SLC35F3: variants seen among roughly 807,000 people sequenced by gnomAD.
SLC35F3 encodes solute carrier family 35 member F3.
In SLC35F3, 25 loss-of-function variants were observed where a neutral mutation model predicts 49.9. That is an observed-to-expected ratio of 0.50 (90% CI 0.37 to 0.70). The LOEUF is 0.70. Ranked by LOEUF, SLC35F3 falls within the 30% of genes least tolerant of loss-of-function variation. The pLI is 0.00. For missense variants in SLC35F3, 525 were observed against 639.8 expected, an observed-to-expected ratio of 0.82 and a Z score of 1.94; for synonymous variants, 275 against 265.4, an observed-to-expected ratio of 1.04 and a Z score of -0.35.
chr1:234,010,115 T>C (rs1663692580), intron 2 of SLC35F3, among the ~76,000 whole-genome samples: 1 of 152,186 alleles, frequency 6.6e-6, no homozygotes. Flanking sequence ...AGCAATTTTA[T>C]CTCTAGTACG....
At chr1:234,159,975 G>T (rs1241065310) in intron 2 of SLC35F3, among the ~76,000 whole-genome samples, 1 of 152,118 alleles carries the variant, frequency 6.6e-6, no homozygotes, top group East Asian at 1.9e-4. Flanking sequence ...GAGGACAATG[G>T]GGCATAGAGA....
chr1:234,309,793 C>T lies in SLC35F3; in HGVS notation c.828+473C>T, dbSNP rs58101328. On this transcript the variant is annotated intron_variant, in intron 4 of 7. Coordinates refer to ENST00000366618, the MANE Select transcript of SLC35F3 (RefSeq NM_173508.4). ...ATCCATGCGTGCATGCAGTCTTGGCCCTTTGCCTGGGCCTTGTGTACACAG... is the reference window on the plus strand; with the variant it reads ...ATCCATGCGTGCATGCAGTCTTGGCTCTTTGCCTGGGCCTTGTGTACACAG... Among the ~76,000 whole-genome samples the T allele has an allele frequency of 3.7e-3, 558 of 152,344 alleles. 6 individuals are homozygous for T. The East Asian group carries it at 0.057, about 16-fold the overall frequency.
At chr1:234,164,296 TTC>T (rs1477786499) in intron 2 of SLC35F3, among the ~76,000 whole-genome samples, 1 of 150,650 alleles carries the variant, frequency 6.6e-6, no homozygotes, top group African/African-American at 2.4e-5. Context: ...CTCTCCCTCT[TTC>T]TCTTTCCCTC....
chr1:234,139,951 T>TAATAAAATAAAATAAAATAAAATAAATAA (rs1665868822), intron 2 of SLC35F3, among the ~76,000 whole-genome samples: 1 of 90,584 alleles, frequency 1.1e-5, no homozygotes, highest in African/African-American at 4.0e-5. Flanking sequence ...CATCTCAAAA[T>TAATAAAATAAAATAAAATAAAATAAATAA]AATAAAATAA....
chr1:233,954,236 G>A (rs1662657770), intron 2 of SLC35F3, among the ~76,000 whole-genome samples: 1 of 152,166 alleles, frequency 6.6e-6, no homozygotes, highest in South Asian at 2.1e-4. Flanking sequence ...TCCATCTCCT[G>A]ACCTCGTGAT....
intron 4 of SLC35F3, among the ~76,000 whole-genome samples, chr1:234,315,524 G>A (rs900352830): frequency 6.6e-6 from 1 of 152,296 alleles, no homozygotes. Flanking sequence ...TAACCTCTGT[G>A]AGCCTAGGTT....
chr1:234,094,079 G>A (rs1033901607), intron 2 of SLC35F3, among the ~76,000 whole-genome samples: 1 of 152,212 alleles, frequency 6.6e-6, no homozygotes, highest in African/African-American at 2.4e-5. Flanking sequence ...CAAACTTCCA[G>A]GACTGGTGCA....
At chr1:234,088,307 A>C (rs1328788850) in intron 2 of SLC35F3, among the ~76,000 whole-genome samples, 2 of 152,186 alleles carry the variant, frequency 1.3e-5, no homozygotes, top group African/African-American at 4.8e-5. Flanking sequence ...TCCTGGGTTC[A>C]AGCAATTCTC....
At chr1:233,988,291 G>T (rs556681992) in intron 2 of SLC35F3, among the ~76,000 whole-genome samples, 1 of 152,296 alleles carries the variant, frequency 6.6e-6, no homozygotes, top group South Asian at 2.1e-4. Flanking sequence ...AAGGTATGAA[G>T]CTGGTTGCTA....
intron 2 of SLC35F3, among the ~76,000 whole-genome samples, chr1:233,928,637 T>C (rs1028423458): frequency 1.3e-5 from 2 of 152,136 alleles, no homozygotes; most frequent in Non-Finnish European, 2.9e-5. Flanking sequence ...AGTACTGGTG[T>C]TTGGAAGGTG....
intron 2 of SLC35F3, among the ~76,000 whole-genome samples, chr1:234,050,879 A>G (rs1447643963): frequency 6.6e-6 from 1 of 152,200 alleles, no homozygotes. Flanking sequence ...TCCCAGCACC[A>G]TTTATTAAAT....
intron 3 of SLC35F3, among the ~76,000 whole-genome samples, chr1:234,276,396 C>T (rs1038441967): frequency 1.3e-5 from 2 of 152,242 alleles, no homozygotes; most frequent in East Asian, 1.9e-4. Context: ...GAGGAGGTCA[C>T]GCAAGGTCGT....
intron 2 of SLC35F3, among the ~76,000 whole-genome samples, chr1:234,066,286 A>G (rs576227910): frequency 3.3e-5 from 5 of 152,022 alleles, no homozygotes; most frequent in African/African-American, 1.2e-4. Flanking sequence ...TGCTATAGCG[A>G]TTCCCATCTT....
intron 2 of SLC35F3, among the ~76,000 whole-genome samples, chr1:234,029,583 T>G (rs759667220): frequency 1.6e-4 from 25 of 152,150 alleles, no homozygotes; most frequent in African/African-American, 4.3e-4. Flanking sequence ...AACCCACATT[T>G]CTTTATTTTA....
In SLC35F3 at chr1:234,290,256, C is replaced by G. The variant is rs185184200; in HGVS notation, c.609-18845C>G. ...AGCTGTAACATTTACTTCATAGGAG[C>G]TTCAGAAGCAAAATGAAGAAAATGG... On this transcript the variant is annotated intron_variant, in intron 3 of 7. Coordinates refer to ENST00000366618, the MANE Select transcript of SLC35F3 (RefSeq NM_173508.4). 1.8e-3 allele frequency among the ~76,000 whole-genome samples: 273 copies of G among 152,116 alleles called. 1 individual carries two copies. Among genetic ancestry groups the G allele is most frequent in the African/African-American group, 5.2e-3 (216 of 41,484 alleles).
At chr1:234,188,279 G>C (rs908195540) in intron 2 of SLC35F3, among the ~76,000 whole-genome samples, 2 of 152,030 alleles carry the variant, frequency 1.3e-5, no homozygotes, top group South Asian at 4.2e-4. Context: ...CAGCCTGGAG[G>C]CTGGTAGCCT....
At chr1:233,952,721 C>A (rs954030706) in intron 2 of SLC35F3, among the ~76,000 whole-genome samples, 3 of 152,190 alleles carry the variant, frequency 2.0e-5, no homozygotes, top group Non-Finnish European at 2.9e-5. Context: ...ATGCTTTCTT[C>A]ACTCTGTTTG....
At chr1:234,178,505 C>A (rs1446333997) in intron 2 of SLC35F3, among the ~76,000 whole-genome samples, 5 of 151,564 alleles carry the variant, frequency 3.3e-5, no homozygotes, top group Non-Finnish European at 5.9e-5. Context: ...AGGTTCACAG[C>A]AAAACTAAGC....
chr1:234,172,479 G>A (rs1666413195), intron 2 of SLC35F3, among the ~76,000 whole-genome samples: 1 of 152,176 alleles, frequency 6.6e-6, no homozygotes, highest in African/African-American at 2.4e-5. Context: ...CACCCACCTT[G>A]GCCTCCCGAA....
Sources: gnomAD v4.1 joint callset for allele counts (sites outside exome capture counted in the v4.1 genomes callset) on GRCh38, gnomAD v4.1.1 for gene constraint, MANE v1.5 for transcripts, NCBI Gene and HGNC (gene_info 2026-07-23, HGNC 2026-07-21) for gene names.